Variants in CFAP47 observed in about 807,000 individuals in gnomAD.
The protein encoded by CFAP47 is cilia- and flagella-associated protein 47.
CFAP47 carries 29 observed loss-of-function variants against 148.1 expected under a neutral mutation model. The observed-to-expected ratio is 0.20, with a 90% confidence interval of 0.15 to 0.27. The LOEUF (loss-of-function observed/expected upper bound fraction) is 0.27. Ranked by LOEUF, CFAP47 falls within the 10% of genes least tolerant of loss-of-function variation. CFAP47 has a pLI of 1.00. For missense variants in CFAP47, 1,872 were observed against 1,697.5 expected (o/e 1.10, Z -1.81); for synonymous variants, 664 against 577.3 (o/e 1.15, Z -2.15).
chrX:36,042,001 A>T (rs1937412012), intron 25 of CFAP47, among the ~76,000 whole-genome samples: 1 of 109,930 alleles, frequency 9.1e-6, no homozygotes, highest in African/African-American at 3.3e-5. Flanking sequence ...GTATTCCAGT[A>T]TTTCAAGGCT....
chrX:36,238,973 A>G (rs913192382), intron 48 of CFAP47, among the ~76,000 whole-genome samples: 15 of 111,892 alleles, frequency 1.3e-4, no homozygotes, highest in African/African-American at 4.2e-4. Context: ...TCCTTGTTCA[A>G]TTTTTCATTG....
intron 39 of CFAP47, among the ~76,000 whole-genome samples, chrX:36,168,858 TTTGA>T (rs1183443487): frequency 8.9e-6 from 1 of 112,578 alleles, no homozygotes; most frequent in African/African-American, 3.2e-5. Flanking sequence ...CTCTTGTGGT[TTTGA>T]TTAATTTCTT....
At chrX:36,312,604 CTA>C (rs1314364048) in intron 56 of CFAP47, among the ~76,000 whole-genome samples, 8 of 111,524 alleles carry the variant, frequency 7.2e-5, no homozygotes, top group Non-Finnish European at 1.3e-4. Context: ...GACTTTATAA[CTA>C]TGAGCATGTT....
intron 40 of CFAP47, among the ~76,000 whole-genome samples, chrX:36,186,937 A>G (rs2146872844): frequency 9.0e-6 from 1 of 110,802 alleles, no homozygotes; most frequent in South Asian, 3.8e-4. Flanking sequence ...TTTTAATTCA[A>G]CAATAGTTTA....
At chrX:36,282,197 T>C (rs1238436248) in intron 50 of CFAP47, among the ~76,000 whole-genome samples, 1 of 109,887 alleles carries the variant, frequency 9.1e-6, no homozygotes, top group Non-Finnish European at 1.9e-5. Context: ...AAAAAAACAA[T>C]ATTAACATGA....
At chrX:36,203,075 C>T (rs1940000124) in intron 44 of CFAP47, among the ~76,000 whole-genome samples, 1 of 111,032 alleles carries the variant, frequency 9.0e-6, no homozygotes, top group African/African-American at 3.3e-5. Context: ...AGATTTCTAA[C>T]AATTGGTGAT....
At chrX:36,180,261 ATTG>A (rs1939735221) in intron 40 of CFAP47, among the ~76,000 whole-genome samples, 3 of 22,341 alleles carry the variant, frequency 1.3e-4, no homozygotes, top group Non-Finnish European at 9.0e-4. Flanking sequence ...AAAAAAATTG[ATTG>A]TTTTATGTTG....
intron 56 of CFAP47, among the ~76,000 whole-genome samples, chrX:36,314,384 C>T (rs1393455990): frequency 9.0e-6 from 1 of 111,364 alleles, no homozygotes; most frequent in Admixed American, 9.6e-5. Context: ...AGCATAGCCA[C>T]GTGGTGTAAG....
chrX:35,927,005 A>T (rs982272998), intron 2 of CFAP47, among the ~76,000 whole-genome samples: 6 of 109,105 alleles, frequency 5.5e-5, no homozygotes, highest in Non-Finnish European at 9.5e-5. Flanking sequence ...AAAAGAAAAA[A>T]AAACCTGGGA....
intron 36 of CFAP47, among the ~76,000 whole-genome samples, chrX:36,147,591 CAGTGGGGTACCACACTAT>C (rs1322474234): frequency 8.9e-6 from 1 of 112,649 alleles, no homozygotes; most frequent in Non-Finnish European, 1.9e-5. Flanking sequence ...TACCACACCA[CAGTGGGGTACCACACTAT>C]AGTGGGGGTC....
chrX:36,297,036 A>T (rs1941249418), intron 51 of CFAP47, among the ~76,000 whole-genome samples: 1 of 112,121 alleles, frequency 8.9e-6, no homozygotes, highest in Non-Finnish European at 1.9e-5. Context: ...CATAATTCTA[A>T]TGTCTCCTGA....
intron 39 of CFAP47, among the ~76,000 whole-genome samples, chrX:36,173,927 G>A (rs1469581839): frequency 9.0e-6 from 1 of 111,268 alleles, no homozygotes; most frequent in Non-Finnish European, 1.9e-5. Context: ...ATTAATGTGT[G>A]GGAGTCTAAT....
intron 53 of CFAP47, among the ~76,000 whole-genome samples, chrX:36,302,663 A>T (rs999338312): frequency 8.9e-6 from 1 of 112,279 alleles, no homozygotes; most frequent in South Asian, 3.7e-4. Flanking sequence ...ATTAAAAACC[A>T]TTAGAATTGA....
rs770270221 is a variant in CFAP47 at position 35,975,352 on chromosome X, A to G, written c.2460A>G (p.Gly820=). 8.6e-6 allele frequency: 10 copies of G among 1,160,133 alleles called. No homozygotes were observed. Among genetic ancestry groups the G allele is most frequent in the Non-Finnish European group, 9.3e-6 (8 of 856,384 alleles). Residue 820 remains glycine (G), a synonymous_variant, in exon 14 of 64, where the codon GGA becomes GGG. Coordinates refer to ENST00000378653, the MANE Select transcript of CFAP47 (RefSeq NM_001304548.2). Reference sequence around the variant, plus strand: ...TGGTATTTGACTCTCCCACCATTGGAAAATTTTGGAAGTAGGGATTATTTT... The same window carrying G: ...TGGTATTTGACTCTCCCACCATTGGGAAATTTTGGAAGTAGGGATTATTTT... The part of the protein sequence containing the change: ...ISMVFDSPTI[G]KFWKSFTFTV...
intron 53 of CFAP47, among the ~76,000 whole-genome samples, chrX:36,303,495 T>G (rs1181653431): frequency 2.7e-5 from 3 of 110,080 alleles, no homozygotes; most frequent in African/African-American, 6.6e-5. Context: ...TTTTTTAGCT[T>G]CTTCTGCTTG....
intron 40 of CFAP47, among the ~76,000 whole-genome samples, chrX:36,181,931 C>T (rs1277321780): frequency 4.5e-5 from 5 of 112,213 alleles, no homozygotes; most frequent in Admixed American, 1.9e-4. Flanking sequence ...GGCCCAAGTC[C>T]GTATGTTGAA....
intron 33 of CFAP47, among the ~76,000 whole-genome samples, chrX:36,105,600 T>C (rs1015544024): frequency 2.9e-4 from 33 of 111,895 alleles, no homozygotes; most frequent in Non-Finnish European, 6.2e-4. Flanking sequence ...ATGTTGGTAT[T>C]TGAGAACAGC....
intron 45 of CFAP47, 122 bp downstream of exon 45, chrX:36,205,232 G>T (rs140731109): frequency 1.6e-4 from 46 of 284,165 alleles, no homozygotes; most frequent in Non-Finnish European, 2.7e-4. Context: ...ATAATTGAAG[G>T]GTTTCAGTGA....
intron 18 of CFAP47, among the ~76,000 whole-genome samples, chrX:35,993,596 A>C (rs756914797): frequency 8.9e-6 from 1 of 112,101 alleles, no homozygotes; most frequent in Non-Finnish European, 1.9e-5. Context: ...TAGCTTTATC[A>C]TCTAATGAAA....
Sources: gnomAD v4.1 joint callset for allele counts (sites outside exome capture counted in the v4.1 genomes callset) on GRCh38, gnomAD v4.1.1 for gene constraint, MANE v1.5 for transcripts, NCBI Gene and HGNC (gene_info 2026-07-23, HGNC 2026-07-21) for gene names.